CCT7: variants seen among roughly 807,000 people sequenced by gnomAD.
The protein encoded by CCT7 is T-complex protein 1 subunit eta.
Under a neutral mutation model 56.6 loss-of-function variants are expected in CCT7, and 16 were observed. That is an observed-to-expected ratio of 0.28 (90% CI 0.19 to 0.43). The LOEUF is 0.43. CCT7 is among the 20% of genes least tolerant of loss of function. CCT7 has a pLI of 1.00. For synonymous variants in CCT7, 262 were observed against 254.8 expected (o/e 1.03, Z -0.27); for missense variants, 519 against 685.6 (o/e 0.76, Z 2.71).
At chr2:73,245,878 T>A (rs921574686) in intron 6 of CCT7, among the ~76,000 whole-genome samples, 2 of 152,230 alleles carry the variant, frequency 1.3e-5, no homozygotes, top group African/African-American at 4.8e-5. Flanking sequence ...ATCTTCATCA[T>A]GGCTTGCTGA....
chr2:73,241,622 A>G (rs1457599238), intron 3 of CCT7, among the ~76,000 whole-genome samples: 4 of 152,012 alleles, frequency 2.6e-5, no homozygotes, highest in East Asian at 1.9e-4. Flanking sequence ...AGTTTATCCA[A>G]TTTTCTTAGA....
chr2:73,236,341 TTTC>T (rs1422424482), intron 1 of CCT7, among the ~76,000 whole-genome samples: 3 of 152,062 alleles, frequency 2.0e-5, no homozygotes, highest in Non-Finnish European at 2.9e-5. Flanking sequence ...CTTGTTTCTT[TTTC>T]TTTTTTTTTT....
intron 10 of CCT7, 51 bp downstream of exon 10, chr2:73,250,489 C>A: frequency 6.2e-7 from 1 of 1,601,962 alleles, no homozygotes; most frequent in South Asian, 1.1e-5. Context: ...TCCTATCTCC[C>A]TAGCTGATCA....
rs1421394951 is a variant in CCT7 at position 73,252,693 on chromosome 2, T to C, written c.1464T>C (p.Phe488=). The C allele has an allele frequency of 5.0e-6, 8 of 1,614,208 alleles. No individual in the cohort carries two copies. Among genetic ancestry groups the C allele is most frequent in the Non-Finnish European group, 6.8e-6 (8 of 1,180,026 alleles). ...DINNEDIADN[F]EAFVWEPAMV... ...ACAACGAGGACATTGCTGACAACTT[T>C]GAAGCTTTCGTGTGGGAGCCAGCTA... is the stretch of plus-strand genomic sequence containing the variant. Residue 488 remains phenylalanine (F), a synonymous_variant, in exon 12 of 12, where the codon TTT becomes TTC. Transcript: ENST00000258091.
Position 73,252,982 on chromosome 2 carries a change from A to G in CCT7, c.*121A>G. The stretch of plus-strand genomic sequence containing the variant: ...GCCCACTCTCTTCTTACTGGAGGCT[A>G]TTTAAATAAAATGTAAGACTTCAGA... On this transcript the variant is annotated 3_prime_UTR_variant, in exon 12 of 12. Transcript: ENST00000258091. 1 of 663,194 alleles carries G rather than the reference A, an allele frequency of 1.5e-6. No individual in the cohort carries two copies. The highest frequency in any genetic ancestry group is 1.8e-5 in the African/African-American group (1 of 54,974). 41.1% of individuals were successfully genotyped at this position (663,194 alleles called of 1,614,324 possible).
chr2:73,245,092 TTTCA>T (rs1322507884), intron 6 of CCT7, among the ~76,000 whole-genome samples: 2 of 152,242 alleles, frequency 1.3e-5, no homozygotes, highest in African/African-American at 4.8e-5. Context: ...CTTGCCCTTC[TTTCA>T]TTCATTTATC....
At chr2:73,240,370 G>T (rs1687054585) in intron 2 of CCT7, 67 bp from the exon 3 acceptor site, 1 of 1,193,096 alleles carries the variant, frequency 8.4e-7, no homozygotes, top group Non-Finnish European at 1.2e-6. Context: ...GTGTAGATGG[G>T]TTCTAGGTCC....
rs1273332372 is a variant in CCT7 at position 73,235,053 on chromosome 2, A to G, written c.6+669A>G. 2.6e-5 allele frequency among the ~76,000 whole-genome samples: 4 copies of G among 152,202 alleles called. No homozygotes were observed. In the East Asian group the frequency reaches 7.7e-4, roughly 29 times the overall value. ...CGGGAAAGGTAGATGGAGACACTGT[A>G]TCGGAGGTGGGAAGACCCAGGCTCG... On this transcript the variant is annotated intron_variant, in intron 1 of 11. Transcript: ENST00000258091.
intron 10 of CCT7, 83 bp from the exon 11 acceptor site, chr2:73,251,143 G>A (rs1687557939): frequency 7.9e-7 from 1 of 1,270,528 alleles, no homozygotes; most frequent in Non-Finnish European, 1.1e-6. Flanking sequence ...CTCTTTCTGG[G>A]CTGAAGGGAC....
chr2:73,243,286 A>G (rs903193461), intron 4 of CCT7, 157 bp downstream of exon 4: 2 of 766,588 alleles, frequency 2.6e-6, no homozygotes, highest in Admixed American at 2.6e-5. Flanking sequence ...ACTAATCTGT[A>G]GCCATTTGAT....
intron 11 of CCT7, 49 bp downstream of exon 11, chr2:73,251,481 G>C (rs1350792242): frequency 7.0e-7 from 1 of 1,426,248 alleles, no homozygotes; most frequent in Non-Finnish European, 9.8e-7. Context: ...GGTGGGGCTA[G>C]ATTCTGAATG....
intron 5 of CCT7, 91 bp from the exon 6 acceptor site, chr2:73,244,453 C>A: frequency 8.7e-7 from 1 of 1,151,248 alleles, no homozygotes. Context: ...AGTTTAGAGA[C>A]TGGAAGGGAA....
chr2:73,244,644 G>T lies in CCT7; in HGVS notation c.547G>T (p.Val183Leu), dbSNP rs745613685. Residue 183 changes from valine (V) to leucine (L), a missense_variant, in exon 6 of 12, where the codon GTG (valine) becomes TTG (leucine). Coordinates refer to ENST00000258091, the MANE Select transcript of CCT7 (RefSeq NM_006429.4). ...CTTTGCTAAGATGGTGGTGGATGCAGTGATGATGCTCGATGATTTGCTGCA... is the reference window on the plus strand; with the variant it reads ...CTTTGCTAAGATGGTGGTGGATGCATTGATGATGCTCGATGATTTGCTGCA... ...AFFAKMVVDA[V>L]MMLDDLLQLK... 48 of 1,613,818 alleles carry T rather than the reference G, an allele frequency of 3.0e-5. 1 individual carries two copies. Among genetic ancestry groups the T allele is most frequent in the Admixed American group, 5.0e-5 (3 of 60,002 alleles).
chr2:73,243,212 T>C (rs1687191166), intron 4 of CCT7, 83 bp downstream of exon 4: 5 of 1,500,986 alleles, frequency 3.3e-6, no homozygotes, highest in Non-Finnish European at 4.6e-6. Context: ...TTCAGGAGTG[T>C]GGAGGGACTG....
chr2:73,235,306 T>G (rs920483280), intron 1 of CCT7, among the ~76,000 whole-genome samples: 5 of 152,278 alleles, frequency 3.3e-5, no homozygotes, highest in Middle Eastern at 3.4e-3. Flanking sequence ...AGGGCCAGCT[T>G]CCGAGGTGGT....
intron 9 of CCT7, 120 bp from the exon 10 acceptor site, chr2:73,250,186 T>G (rs1025969132): frequency 8.0e-7 from 1 of 1,249,214 alleles, no homozygotes; most frequent in South Asian, 1.4e-5. Flanking sequence ...TGGGATTGGG[T>G]AACCTGAGTG....
rs116545023 is a variant in CCT7, at chr2:73,245,590, G to A, written c.618+875G>A. Among the ~76,000 whole-genome samples the A allele has an allele frequency of 8.4e-3, 1,282 of 152,342 alleles. 8 individuals carry two copies. The highest frequency in any genetic ancestry group is 0.017 in the Middle Eastern group (5 of 294). ...TTTTTAACACAGTAGTATCTGTCTG[G>A]AAACGTCCTTGGTATCTCCATGCTG... is the stretch of plus-strand genomic sequence containing the variant. On this transcript the variant is annotated intron_variant, in intron 6 of 11. Coordinates refer to ENST00000258091, the MANE Select transcript of CCT7 (RefSeq NM_006429.4).
At chr2:73,246,718 A>G (rs541726339) in intron 6 of CCT7, among the ~76,000 whole-genome samples, 10 of 152,226 alleles carry the variant, frequency 6.6e-5, no homozygotes, top group Non-Finnish European at 8.8e-5. Context: ...ATGGCTTTTC[A>G]TTCTCTGATT....
intron 3 of CCT7, among the ~76,000 whole-genome samples, chr2:73,242,144 A>G (rs1687145413): frequency 6.6e-6 from 1 of 150,712 alleles, no homozygotes; most frequent in South Asian, 2.1e-4. Context: ...ACTCCTGGCC[A>G]GATGCAGTGG....
Sources: gnomAD v4.1 joint callset for allele counts (sites outside exome capture counted in the v4.1 genomes callset) on GRCh38, gnomAD v4.1.1 for gene constraint, MANE v1.5 for transcripts, NCBI Gene and HGNC (gene_info 2026-07-23, HGNC 2026-07-21) for gene names.